The following BACH2 variants were observed in gnomAD, a reference collection of about 807,000 sequenced individuals.
The protein encoded by BACH2 is transcription regulator protein BACH2.
A neutral mutation model predicts 61.8 loss-of-function variants in BACH2; 5 were observed. The observed-to-expected ratio is 0.08, with a 90% CI of 0.04 to 0.17. The LOEUF (loss-of-function observed/expected upper bound fraction) is 0.17. BACH2 is among the 10% of genes least tolerant of loss of function. The probability of loss-of-function intolerance (pLI) is 1.00; values close to 1 mark genes in which losing one functional copy is unlikely to be tolerated. For missense variants in BACH2, 824 were observed against 1,091.1 expected, an observed-to-expected ratio of 0.76 and a Z score of 3.45; for synonymous variants, 446 against 440.1, an observed-to-expected ratio of 1.01 and a Z score of -0.17.
Position 90,025,516 on chromosome 6 carries a change from G to C in BACH2, c.-12-16660C>G, listed in dbSNP as rs896814120. Among the ~76,000 whole-genome samples, 13 of 152,280 alleles carry C rather than the reference G, an allele frequency of 8.5e-5. No homozygotes were observed. In the East Asian group the frequency reaches 2.3e-3, roughly 27 times the overall value. On this transcript the variant is annotated intron_variant, in intron 5 of 8. Transcript: ENST00000257749. ...AGCATGTGCTTCATGCCTATTAGGA[G>C]TTAGAGGACAGAGAAAAGTCATTTC...
intron 4 of BACH2, among the ~76,000 whole-genome samples, chr6:90,092,280 T>TAAAAAAAA (rs200675044): frequency 1.1e-3 from 84 of 77,026 alleles, no homozygotes; most frequent in East Asian, 9.0e-3. Context: ...ACTGTCAAAG[T>TAAAAAAAA]AAAAAAAAAA....
At chr6:90,075,689 G>A (rs1437050347) in intron 5 of BACH2, among the ~76,000 whole-genome samples, 1 of 152,114 alleles carries the variant, frequency 6.6e-6, no homozygotes, top group East Asian at 1.9e-4. Context: ...GAAGCCTTAT[G>A]GAGACATTTT....
intron 7 of BACH2, among the ~76,000 whole-genome samples, chr6:89,940,122 T>G (rs561807736): frequency 7.1e-4 from 108 of 152,266 alleles, no homozygotes; most frequent in Non-Finnish European, 1.3e-3. Context: ...GCGATTCTCC[T>G]GCCTCACCTC....
intron 4 of BACH2, among the ~76,000 whole-genome samples, chr6:90,171,426 A>C (rs1767810805): frequency 6.6e-6 from 1 of 152,020 alleles, no homozygotes; most frequent in African/African-American, 2.4e-5. Flanking sequence ...GAAGAAAAAA[A>C]AAAACAAAAC....
intron 5 of BACH2, among the ~76,000 whole-genome samples, chr6:90,074,297 C>T (rs1781374907): frequency 6.6e-6 from 1 of 152,060 alleles, no homozygotes; most frequent in Admixed American, 6.6e-5. Flanking sequence ...GAACAAATGA[C>T]TTTATTGTTC....
chr6:90,155,824 G>GT (rs1784977674), intron 4 of BACH2, among the ~76,000 whole-genome samples: 1 of 152,118 alleles, frequency 6.6e-6, no homozygotes, highest in African/African-American at 2.4e-5. Flanking sequence ...ATTTGTGTCT[G>GT]TTTTGTTCAC....
In BACH2 at chr6:90,086,583, G is replaced by A. The variant is rs762238469; in HGVS notation, c.-13+2378C>T. ...CTACTCACTCGGTGACTGAACGCTC[G>A]TCCAAAGACATGGGGAGTGATCCAG... On this transcript the variant is annotated intron_variant, in intron 5 of 8. Transcript: ENST00000257749. 4.8e-4 allele frequency among the ~76,000 whole-genome samples: 73 copies of A among 152,190 alleles called. 1 individual carries two copies. The highest frequency in any genetic ancestry group is 8.4e-4 in the Non-Finnish European group (57 of 68,008).
chr6:89,968,024 T>A lies in BACH2; in HGVS notation c.244-16162A>T, dbSNP rs60933822. Reference sequence around the variant, plus strand: ...GTCTCATCTCCAGTTATCCTCTTGATCCTGACTCCTAGCCTTTTCTTTGAC... The same window carrying A: ...GTCTCATCTCCAGTTATCCTCTTGAACCTGACTCCTAGCCTTTTCTTTGAC... On this transcript the variant is annotated intron_variant, in intron 6 of 8. Coordinates refer to ENST00000257749, the MANE Select transcript of BACH2 (RefSeq NM_021813.4). Among the ~76,000 whole-genome samples, 146 of 152,336 alleles carry A rather than the reference T, an allele frequency of 9.6e-4. 1 individual carries two copies. The Middle Eastern group carries it at 0.01, about 11-fold the overall frequency.
At chr6:90,292,510 T>C (rs1772210228) in intron 1 of BACH2, among the ~76,000 whole-genome samples, 1 of 152,218 alleles carries the variant, frequency 6.6e-6, no homozygotes, top group Middle Eastern at 3.2e-3. Flanking sequence ...GTACTCATGG[T>C]ATTAAATTAT....
chr6:90,281,690 T>C (rs1771863541), intron 1 of BACH2, among the ~76,000 whole-genome samples: 1 of 152,234 alleles, frequency 6.6e-6, no homozygotes, highest in Non-Finnish European at 1.5e-5. Context: ...ATCTTGCTTC[T>C]TTCTTTCCAT....
In BACH2 at chr6:89,926,621, A is replaced by C. The variant is rs1253450155; in HGVS notation, c.*5787T>G. ...TAACACTAGCAATTCAATTGAGTGA[A>C]AACTTTTTTTGCACAATAGTGTATT... On this transcript the variant is annotated 3_prime_UTR_variant, in exon 9 of 9. Coordinates refer to ENST00000257749, the MANE Select transcript of BACH2 (RefSeq NM_021813.4). 6.5e-6 allele frequency: 1 copy of C among 152,820 alleles called. No homozygotes were observed. The highest frequency in any genetic ancestry group is 2.4e-5 in the African/African-American group (1 of 41,460). 9.5% of individuals were successfully genotyped at this position (152,820 alleles called of 1,614,324 possible). A position where few individuals can be genotyped will look rare whatever the true frequency, so the allele number is the denominator to read the frequency against.
At chr6:90,018,931 A>C (rs1778225855) in intron 5 of BACH2, among the ~76,000 whole-genome samples, 1 of 152,214 alleles carries the variant, frequency 6.6e-6, no homozygotes, top group Admixed American at 6.5e-5. Flanking sequence ...TCTAGTAAGA[A>C]GACAAATATT....
intron 5 of BACH2, among the ~76,000 whole-genome samples, chr6:90,080,490 A>G (rs745329594): frequency 1.2e-4 from 19 of 152,170 alleles, no homozygotes; most frequent in Non-Finnish European, 2.6e-4. Context: ...GCAAATAATA[A>G]AAACAAAATT....
At chr6:90,053,004 T>C (rs1780131388) in intron 5 of BACH2, among the ~76,000 whole-genome samples, 1 of 152,174 alleles carries the variant, frequency 6.6e-6, no homozygotes, top group African/African-American at 2.4e-5. Flanking sequence ...CTTTTTTGAT[T>C]TTTAAAAATC....
chr6:90,267,118 C>CA (rs1771361382), intron 2 of BACH2, among the ~76,000 whole-genome samples: 1 of 152,058 alleles, frequency 6.6e-6, no homozygotes, highest in South Asian at 2.1e-4. Context: ...TCCCCCCCAC[C>CA]AAAAAACCCT....
intron 4 of BACH2, among the ~76,000 whole-genome samples, chr6:90,154,687 G>T (rs956332286): frequency 6.6e-6 from 1 of 152,188 alleles, no homozygotes; most frequent in Non-Finnish European, 1.5e-5. Flanking sequence ...GGAACAACAG[G>T]CCAGGAAGGG....
rs1464259498 is a variant in BACH2 at position 89,930,740 on chromosome 6, G to C, written c.*1668C>G. ...ATCATCAGGTGAGGGTAGGGTATGT[G>C]TGTGATTCGGGAAGGGGACAGGGAG... On this transcript the variant is annotated 3_prime_UTR_variant, in exon 9 of 9. Coordinates refer to ENST00000257749, the MANE Select transcript of BACH2 (RefSeq NM_021813.4). 3 of 152,730 alleles carry C rather than the reference G, an allele frequency of 2.0e-5. No individual in the cohort carries two copies. The highest frequency in any genetic ancestry group is 4.4e-5 in the Non-Finnish European group (3 of 68,066). The allele number at this position is 152,730 out of a possible 1,614,324, so 9.5% of individuals were successfully genotyped here.
At chr6:90,119,934 G>A (rs1783555277) in intron 4 of BACH2, among the ~76,000 whole-genome samples, 1 of 152,110 alleles carries the variant, frequency 6.6e-6, no homozygotes, top group African/African-American at 2.4e-5. Flanking sequence ...CTCAGGTCAG[G>A]GGACCATTAA....
intron 4 of BACH2, among the ~76,000 whole-genome samples, chr6:90,158,768 G>A (rs1269933169): frequency 1.3e-5 from 2 of 150,770 alleles, no homozygotes; most frequent in Non-Finnish European, 3.0e-5. Flanking sequence ...CTTTTGGTGG[G>A]GGGGGGGCAC....
Sources: gnomAD v4.1 joint callset for allele counts (sites outside exome capture counted in the v4.1 genomes callset) on GRCh38, gnomAD v4.1.1 for gene constraint, MANE v1.5 for transcripts, NCBI Gene and HGNC (gene_info 2026-07-23, HGNC 2026-07-21) for gene names.